Variants in PABIR3 observed in about 807,000 individuals in gnomAD.
The protein encoded by PABIR3 is PABIR family member 3, also known as PABIR family member 1.
A neutral mutation model predicts 23.1 loss-of-function variants in PABIR3; 20 were observed. That is an observed-to-expected ratio of 0.86 (90% CI 0.61 to 1.26). The LOEUF is 1.26. Among genes scored for constraint, PABIR3 ranks in the 50% most tolerant of loss-of-function variants. The pLI, the probability that PABIR3 is intolerant of heterozygous loss-of-function variation, is 0.00. For synonymous variants in PABIR3, 69 were observed against 68.5 expected (o/e 1.01, Z -0.04); for missense variants, 189 against 195.4 (o/e 0.97, Z 0.20).
chrX:134,863,545 G>A, the PABIR3 span, among the ~76,000 whole-genome samples: 1 of 111,501 alleles, frequency 9.0e-6, no homozygotes, highest in Non-Finnish European at 1.9e-5. Context: ...TGTCCCAGTC[G>A]TTGGTACCAG....
intron 4 of PABIR3, among the ~76,000 whole-genome samples, chrX:134,841,183 G>A (rs1012548086): frequency 1.8e-5 from 2 of 109,045 alleles, no homozygotes; most frequent in African/African-American, 3.3e-5. Flanking sequence ...GGCTGATCTC[G>A]AACTCGTGAG....
chrX:134,800,530 G>A (rs1469960910), intron 1 of PABIR3, among the ~76,000 whole-genome samples: 2 of 110,611 alleles, frequency 1.8e-5, no homozygotes, highest in East Asian at 5.8e-4. Flanking sequence ...GGTGGCTCAC[G>A]CCTGTAATCC....
At chrX:134,829,413 G>C (rs1006410670) in intron 4 of PABIR3, 131 bp downstream of exon 4, 34 of 487,728 alleles carry the variant, frequency 7.0e-5, no homozygotes, top group Non-Finnish European at 8.9e-5. Context: ...TTCTAGGAAT[G>C]ATTTCTTCAA....
At chrX:134,853,253 A>T (rs897593817) in intron 10 of PABIR3, among the ~76,000 whole-genome samples, 3 of 110,451 alleles carry the variant, frequency 2.7e-5, no homozygotes, top group African/African-American at 9.9e-5. Context: ...TTTTTTGTAG[A>T]GATGGGGTTT....
At chrX:134,798,252 T>C (rs746781658) in intron 1 of PABIR3, among the ~76,000 whole-genome samples, 8 of 112,723 alleles carry the variant, frequency 7.1e-5, no homozygotes, top group Non-Finnish European at 1.3e-4. Flanking sequence ...TAAAGAAATT[T>C]ACGGAGACAG....
chrX:134,860,183 C>T, the PABIR3 span, among the ~76,000 whole-genome samples: 4 of 110,733 alleles, frequency 3.6e-5, no homozygotes, highest in Non-Finnish European at 7.5e-5. Context: ...GCTTCCACCT[C>T]CCAGTTCAAG....
chrX:134,807,851 T>G (rs2080330256), intron 2 of PABIR3, 143 bp downstream of exon 2: 12 of 634,396 alleles, frequency 1.9e-5, no homozygotes, highest in Non-Finnish European at 2.7e-5. Flanking sequence ...GATCCCACCC[T>G]CAACCTTGGG....
At chrX:134,819,662 A>G (rs2081170977) in intron 3 of PABIR3, among the ~76,000 whole-genome samples, 1 of 111,376 alleles carries the variant, frequency 9.0e-6, no homozygotes, top group African/African-American at 3.3e-5. Context: ...AGGTGGGCGG[A>G]TCACCTGAGG....
At chrX:134,842,537 G>T (rs2082269349) in intron 4 of PABIR3, among the ~76,000 whole-genome samples, 1 of 111,300 alleles carries the variant, frequency 9.0e-6, no homozygotes, top group African/African-American at 3.3e-5. Context: ...GAACCTGGGA[G>T]GTGGAGCTTG....
At position 134,807,857 on chromosome X, in the gene PABIR3, T is replaced by TTGGG. The variant is rs774415172; in HGVS notation, c.110+154_110+157dup. On this transcript the variant is annotated intron_variant, in intron 2 of 10. Transcript: ENST00000645433. The stretch of plus-strand genomic sequence containing the variant: ...GTGTCCGGAGATCCCACCCTCAACC[T>TTGGG]TGGGTGGGGGTAGTGGGACGGGCTG... 3,618 of 601,267 alleles carry TTGGG rather than the reference T, an allele frequency of 6.0e-3. 11 individuals carry two copies. The highest frequency in any genetic ancestry group is 8.7e-3 in the Admixed American group (202 of 23,333). The allele number at this position is 601,267 out of a possible 1,213,427, so 49.6% of individuals were successfully genotyped here.
At chrX:134,829,432 C>G (rs867197905) in intron 4 of PABIR3, 150 bp downstream of exon 4, 3 of 465,541 alleles carry the variant, frequency 6.4e-6, no homozygotes, top group Non-Finnish European at 1.0e-5. Flanking sequence ...AAAAAAAAAA[C>G]AAAACTAAGA....
chrX:134,856,936 C>T (rs893438736), downstream of PABIR3, among the ~76,000 whole-genome samples: 12 of 110,885 alleles, frequency 1.1e-4, no homozygotes, highest in Admixed American at 3.8e-4. Flanking sequence ...CGCTGGAACC[C>T]GGCAGGCGGA....
downstream of PABIR3, among the ~76,000 whole-genome samples, chrX:134,856,688 C>G (rs1414415108): frequency 9.0e-6 from 1 of 111,492 alleles, no homozygotes; most frequent in African/African-American, 3.3e-5. Context: ...GTAACTTTTA[C>G]TTGCTATTCT....
intron 4 of PABIR3, among the ~76,000 whole-genome samples, chrX:134,833,877 A>G (rs993916423): frequency 8.9e-6 from 1 of 112,016 alleles, no homozygotes; most frequent in Admixed American, 9.5e-5. Flanking sequence ...ATAGTATTCC[A>G]TGGTGTATAT....
chrX:134,830,325 CTTTTTTTTTTTTTT>C (rs766717674), intron 4 of PABIR3, among the ~76,000 whole-genome samples: 2 of 62,549 alleles, frequency 3.2e-5, no homozygotes, highest in East Asian at 4.7e-4. Flanking sequence ...GGTTTTTTTC[CTTTTTTTTTTTTTT>C]TTTTTTTTTT....
At position 134,822,242 on chromosome X, in the gene PABIR3, C is replaced by T. The variant is rs965198437; in HGVS notation, c.190-6984C>T. ...GATGTTTATTACATCTCAGTGAAGT[C>T]ATTATTTCTATTTTAATACTTTGTT... On this transcript the variant is annotated intron_variant, in intron 3 of 10. Coordinates refer to ENST00000645433, the MANE Select transcript of PABIR3 (RefSeq NM_001388447.1). The T allele has an allele frequency of 5.2e-5, 39 of 748,252 alleles. No individual in the cohort carries two copies. The African/African-American group carries it at 9.0e-4, about 17-fold the overall frequency. 61.7% of individuals were successfully genotyped at this position (748,252 alleles called of 1,213,427 possible). A position where few individuals can be genotyped will look rare whatever the true frequency, so the allele number is the denominator to read the frequency against.
At chrX:134,813,216 T>C (rs73568763) in intron 2 of PABIR3, among the ~76,000 whole-genome samples, 1,410 of 112,045 alleles carry the variant, frequency 0.013, 21 homozygotes, top group African/African-American at 0.044. Flanking sequence ...AAACCGTGGA[T>C]GGCTTTGAAT....
chrX:134,836,451 C>T (rs1364906299), intron 4 of PABIR3, among the ~76,000 whole-genome samples: 2 of 112,556 alleles, frequency 1.8e-5, no homozygotes, highest in Admixed American at 1.9e-4. Context: ...TATATTGTTT[C>T]ACATTTCTTA....
intron 2 of PABIR3, chrX:134,810,795 C>G (rs1205450966): frequency 6.7e-6 from 5 of 750,971 alleles, no homozygotes; most frequent in Non-Finnish European, 7.8e-6. Context: ...GTGAAAGTCA[C>G]TAGCATATTT....
Sources: allele counts gnomAD v4.1 joint callset (sites outside exome capture counted in the v4.1 genomes callset), GRCh38; gene constraint gnomAD v4.1.1; transcripts MANE v1.5; gene names NCBI Gene and HGNC (gene_info 2026-07-23, HGNC 2026-07-21).